DIAPH2: variants seen among roughly 807,000 people sequenced by gnomAD.
DIAPH2 encodes diaphanous related formin 2.
Under a neutral mutation model 92.7 loss-of-function variants are expected in DIAPH2, and 35 were observed. The ratio of observed to expected loss-of-function variants is 0.38; its 90% CI spans 0.29 to 0.50. The LOEUF is 0.50. DIAPH2 is among the 20% of genes least tolerant of loss of function. DIAPH2 has a pLI of 0.94. For synonymous variants in DIAPH2, 301 were observed against 280.4 expected, an observed-to-expected ratio of 1.07 and a Z score of -0.73; for missense variants, 701 against 819.5, an observed-to-expected ratio of 0.86 and a Z score of 1.77.
chrX:96,854,807 T>A (rs1332211835), intron 4 of DIAPH2, among the ~76,000 whole-genome samples: 1 of 105,885 alleles, frequency 9.4e-6, no homozygotes, highest in Non-Finnish European at 1.9e-5. Flanking sequence ...AACACATGAG[T>A]TTTTTATTTC....
At chrX:97,428,844 A>C (rs2070098010) in intron 25 of DIAPH2, among the ~76,000 whole-genome samples, 1 of 112,004 alleles carries the variant, frequency 8.9e-6, no homozygotes, top group African/African-American at 3.2e-5. Context: ...TGACACCTTG[A>C]GACAAACACT....
intron 23 of DIAPH2, among the ~76,000 whole-genome samples, chrX:97,337,183 T>C (rs2069071216): frequency 1.8e-5 from 2 of 109,092 alleles, no homozygotes; most frequent in Admixed American, 2.0e-4. Context: ...GAGAGAGCAC[T>C]AAGAAAATGG....
chrX:97,160,525 G>GAT lies in DIAPH2; in HGVS notation c.2719+18742_2719+18743dup, dbSNP rs776799150. Among the ~76,000 whole-genome samples, 11 of 111,175 alleles carry GAT rather than the reference G, an allele frequency of 9.9e-5. No homozygotes were observed. The East Asian group carries it at 1.1e-3, about 11-fold the overall frequency. Reference sequence around the variant, plus strand: ...TTAAATTATCTTGGGAACAGTGTCAGATATATATATATTGCTAAGGCATAC... The same window carrying GAT: ...TTAAATTATCTTGGGAACAGTGTCAGATATATATATATATTGCTAAGGCATAC... On this transcript the variant is annotated intron_variant, in intron 22 of 26. Coordinates refer to ENST00000324765, the MANE Select transcript of DIAPH2 (RefSeq NM_006729.5).
chrX:96,854,240 A>G (rs1185221803), intron 4 of DIAPH2, among the ~76,000 whole-genome samples: 2 of 110,259 alleles, frequency 1.8e-5, no homozygotes, highest in Non-Finnish European at 3.8e-5. Flanking sequence ...CAAAAATCCA[A>G]ATGACCTCAT....
At position 96,720,035 on chromosome X, in the gene DIAPH2, C is replaced by A. The variant is rs887105154; in HGVS notation, c.133-15723C>A. ...TTTCTTGCTTAGACTCCAGGTATAA[C>A]CTCTTGGATTCGGGTCAAAATTGCT... On this transcript the variant is annotated intron_variant, in intron 1 of 26. Coordinates refer to ENST00000324765, the MANE Select transcript of DIAPH2 (RefSeq NM_006729.5). Among the ~76,000 whole-genome samples, 5 of 111,519 alleles carry A rather than the reference C, an allele frequency of 4.5e-5. No individual in the cohort carries two copies. In the East Asian group the frequency reaches 1.4e-3, roughly 31 times the overall value.
intron 21 of DIAPH2, among the ~76,000 whole-genome samples, chrX:97,126,704 G>T (rs2067096511): frequency 8.9e-6 from 1 of 112,095 alleles, no homozygotes; most frequent in Non-Finnish European, 1.9e-5. Flanking sequence ...ATAAACACTG[G>T]CTAACTAACC....
intron 23 of DIAPH2, among the ~76,000 whole-genome samples, chrX:97,248,950 C>G (rs1261938845): frequency 9.0e-6 from 1 of 111,168 alleles, no homozygotes; most frequent in Admixed American, 9.6e-5. Flanking sequence ...CAAATATTGG[C>G]AAAATAAGTT....
At chrX:97,269,749 TTA>T (rs1370342225) in intron 23 of DIAPH2, among the ~76,000 whole-genome samples, 118 of 102,212 alleles carry the variant, frequency 1.2e-3, no homozygotes, top group African/African-American at 4.8e-3. Context: ...GATACTATTT[TTA>T]TTTTTTTTTT....
chrX:97,438,290 T>C (rs1281887504), intron 26 of DIAPH2, among the ~76,000 whole-genome samples: 1 of 107,443 alleles, frequency 9.3e-6, no homozygotes, highest in African/African-American at 3.4e-5. Flanking sequence ...ACCTGACCTT[T>C]TCCCATGTAC....
At chrX:97,327,711 A>C (rs1387759476) in intron 23 of DIAPH2, among the ~76,000 whole-genome samples, 1 of 111,531 alleles carries the variant, frequency 9.0e-6, no homozygotes, top group Non-Finnish European at 1.9e-5. Context: ...AAGTGCTGGG[A>C]GTACAGGCGC....
chrX:97,385,991 G>A (rs73552467), intron 25 of DIAPH2, among the ~76,000 whole-genome samples: 1,769 of 111,790 alleles, frequency 0.016, 29 homozygotes, highest in African/African-American at 0.054. Context: ...GTGTTTTTAA[G>A]TGTAATTATT....
At chrX:97,371,421 A>C (rs1185556650) in intron 24 of DIAPH2, among the ~76,000 whole-genome samples, 1 of 111,516 alleles carries the variant, frequency 9.0e-6, no homozygotes, top group African/African-American at 3.3e-5. Context: ...GTTTTAAGGA[A>C]GATATTGACC....
chrX:96,900,571 A>G (rs1474907550), intron 5 of DIAPH2, among the ~76,000 whole-genome samples: 1 of 111,344 alleles, frequency 9.0e-6, no homozygotes, highest in East Asian at 2.8e-4. Context: ...CCCATTCAGT[A>G]TGATGTTGGC....
chrX:96,854,051 C>T (rs2065021342), intron 4 of DIAPH2, among the ~76,000 whole-genome samples: 1 of 111,509 alleles, frequency 9.0e-6, no homozygotes, highest in South Asian at 3.7e-4. Context: ...CAATACATTA[C>T]TGGTGTCATC....
chrX:96,848,397 A>C (rs1206935741), intron 4 of DIAPH2, among the ~76,000 whole-genome samples: 1 of 112,028 alleles, frequency 8.9e-6, no homozygotes, highest in Non-Finnish European at 1.9e-5. Flanking sequence ...CCAGACTTCC[A>C]CAGGCTTTTT....
At chrX:97,231,207 T>G (rs2068006479) in intron 22 of DIAPH2, among the ~76,000 whole-genome samples, 1 of 109,103 alleles carries the variant, frequency 9.2e-6, no homozygotes, top group Non-Finnish European at 1.9e-5. Context: ...TGGGCTTTTT[T>G]GGATACATTC....
At chrX:97,058,973 G>T (rs1194898507) in intron 17 of DIAPH2, among the ~76,000 whole-genome samples, 1 of 111,878 alleles carries the variant, frequency 8.9e-6, no homozygotes, top group African/African-American at 3.2e-5. Context: ...GAATGTAGTG[G>T]TAATTAGAGA....
At chrX:97,445,965 A>G (rs939342215) in intron 26 of DIAPH2, among the ~76,000 whole-genome samples, 8 of 109,753 alleles carry the variant, frequency 7.3e-5, no homozygotes, top group African/African-American at 2.7e-4. Context: ...ACCCTCTCTT[A>G]ATTTATGTAA....
intron 26 of DIAPH2, among the ~76,000 whole-genome samples, chrX:97,449,019 C>T (rs2070336290): frequency 8.9e-6 from 1 of 112,299 alleles, no homozygotes; most frequent in African/African-American, 3.2e-5. Context: ...AGTCCTTTGA[C>T]AGTGCTGCAT....
Sources: allele counts gnomAD v4.1 joint callset (sites outside exome capture counted in the v4.1 genomes callset), GRCh38; gene constraint gnomAD v4.1.1; transcripts MANE v1.5; gene names NCBI Gene and HGNC (gene_info 2026-07-23, HGNC 2026-07-21).